Variants in BDNF observed in about 807,000 individuals in gnomAD.
BDNF encodes the protein brain derived neurotrophic factor.
BDNF carries 1 observed loss-of-function variant against 19.5 expected under a neutral mutation model. The observed-to-expected ratio is 0.05, with a 90% CI of 0.02 to 0.24. The LOEUF is 0.24. Ranked by LOEUF, BDNF falls within the 10% of genes least tolerant of loss-of-function variation. BDNF has a pLI of 1.00. For synonymous variants in BDNF, 100 were observed against 121.6 expected (o/e 0.82, Z 1.17); for missense variants, 195 against 317.6 (o/e 0.61, Z 2.93).
rs761020494 is a variant in BDNF at position 27,721,371 on chromosome 11, C to G, written c.3+41G>C. The G allele has an allele frequency of 2.5e-6, 4 of 1,612,130 alleles. No individual in the cohort carries two copies. In the Admixed American group the frequency reaches 6.7e-5, roughly 27 times the overall value. On this transcript the variant is annotated intron_variant, in intron 1 of 1. Coordinates refer to the BDNF transcript ENST00000314915. ...ATATGCCCGTTGTTAAGCAACATGT[C>G]AAGATTTTTCAATTATAATGCAGGT...
intron 1 of BDNF, chr11:27,719,848 A>AT (rs560499113): frequency 4.7e-4 from 91 of 193,340 alleles, no homozygotes; most frequent in African/African-American, 1.9e-3. Context: ...ACCTTGATTC[A>AT]TTTTTTTGTG....
intron 1 of BDNF, chr11:27,699,752 CT>C (rs1859673039): frequency 3.1e-6 from 4 of 1,301,216 alleles, no homozygotes; most frequent in Admixed American, 6.3e-5. Flanking sequence ...CACCCACCCC[CT>C]GGAAGGATTC....
upstream of BDNF, chr11:27,701,565 T>G: frequency 1.0e-6 from 1 of 986,408 alleles, no homozygotes; most frequent in African/African-American, 1.7e-5. Context: ...GGCAGGGAGA[T>G]TTCATGCTAG....
chr11:27,721,492 G>A, exon 1 of BDNF: 2 of 1,529,326 alleles, frequency 1.3e-6, no homozygotes, highest in Non-Finnish European at 1.8e-6. Flanking sequence ...AATGTGTCTT[G>A]TTTGAAGTCA....
chr11:27,698,917 T>G (rs902136938), intron 1 of BDNF, among the ~76,000 whole-genome samples: 1 of 151,560 alleles, frequency 6.6e-6, no homozygotes, highest in Non-Finnish European at 1.5e-5. Flanking sequence ...TTATCAAAGC[T>G]CCCCCAGCGC....
chr11:27,697,838 ACT>A (rs945434605), intron 1 of BDNF: 2 of 152,216 alleles, frequency 1.3e-5, no homozygotes, highest in Non-Finnish European at 2.9e-5. Flanking sequence ...GTGAAAAATT[ACT>A]GTTATTTTGC....
intron 1 of BDNF, among the ~76,000 whole-genome samples, chr11:27,685,939 A>C (rs7926362): frequency 0.82 from 124,139 of 152,126 alleles, 51,302 homozygotes; most frequent in African/African-American, 0.92. Context: ...GCTGAGTTCA[A>C]ATCCTGAATA....
At chr11:27,714,245 C>G (rs2134109218) in intron 1 of BDNF, among the ~76,000 whole-genome samples, 1 of 152,246 alleles carries the variant, frequency 6.6e-6, no homozygotes, top group South Asian at 2.1e-4. Context: ...ATAGCATTTC[C>G]TGGATGTCAA....
In BDNF at chr11:27,658,435, C is replaced by G; in HGVS notation, c.130G>C (p.Glu44Gln). Residue 44 changes from glutamate (E) to glutamine (Q), a missense_variant, in exon 2 of 2, where the codon GAG (glutamate) becomes CAG (glutamine). By Grantham distance (29) the Glu-to-Gln change is conservative. Around this residue, in one of 2 missense-constraint regions of BDNF, gnomAD observed 124 missense variants for 155.0 expected, o/e 0.80. Transcript: ENST00000356660. This position sits in a 1 kb window ranked among gnomAD's most constrained non-coding sequence, Gnocchi z 5.7. ...CCTGCCTTGGGCCCATTCACGCTCT[C>G]CAGAGTCCCATGGGTCCGCACACCT... ...YPGVRTHGTL[E>Q]SVNGPKAGSR... The G allele has an allele frequency of 6.2e-7, 1 of 1,614,194 alleles. No homozygotes were observed. The highest frequency in any genetic ancestry group is 1.1e-5 in the South Asian group (1 of 91,082).
upstream of BDNF, among the ~76,000 whole-genome samples, chr11:27,702,905 C>A (rs41274442): frequency 7.4e-4 from 112 of 152,286 alleles, 5 homozygotes; most frequent in South Asian, 0.022. Context: ...TCCCCCACCC[C>A]CTAAGTGAAG....
intron 1 of BDNF, among the ~76,000 whole-genome samples, chr11:27,683,820 A>G (rs539048766): frequency 6.6e-6 from 1 of 152,278 alleles, no homozygotes; most frequent in African/African-American, 2.4e-5. Context: ...CTTGTAGTAT[A>G]GTTTGAAGTC....
intron 1 of BDNF, among the ~76,000 whole-genome samples, chr11:27,721,055 C>T (rs543855004): frequency 5.3e-5 from 8 of 149,590 alleles, no homozygotes; most frequent in Admixed American, 3.4e-4. Context: ...GGAAATTAAC[C>T]CCCTTGCAAA....
At chr11:27,688,100 C>A (rs1189274341) in intron 1 of BDNF, among the ~76,000 whole-genome samples, 1 of 152,212 alleles carries the variant, frequency 6.6e-6, no homozygotes, top group Non-Finnish European at 1.5e-5. Flanking sequence ...TTCCCAGATG[C>A]CCTGCCCAGA....
At chr11:27,691,549 G>C (rs761292235) in intron 1 of BDNF, among the ~76,000 whole-genome samples, 1 of 152,198 alleles carries the variant, frequency 6.6e-6, no homozygotes, top group Non-Finnish European at 1.5e-5. Flanking sequence ...TCCTAAAGGA[G>C]ATGTAAATAT....
intron 1 of BDNF, chr11:27,665,115 G>T (rs964392169): frequency 6.6e-6 from 1 of 152,098 alleles, no homozygotes; most frequent in African/African-American, 2.4e-5. Context: ...AGAATTTCAG[G>T]TGGGATCTGT....
chr11:27,688,150 T>C (rs1334280151), intron 1 of BDNF, among the ~76,000 whole-genome samples: 1 of 152,194 alleles, frequency 6.6e-6, no homozygotes, highest in Non-Finnish European at 1.5e-5. Context: ...ACAGGGGCTT[T>C]GCTGAGCTGT....
intron 1 of BDNF, among the ~76,000 whole-genome samples, chr11:27,705,513 T>C (rs999299066): frequency 7.9e-5 from 12 of 152,210 alleles, no homozygotes; most frequent in Non-Finnish European, 1.2e-4. Flanking sequence ...GTGAACTTCC[T>C]AAAGTCTTAT....
intron 1 of BDNF, chr11:27,719,608 C>G (rs1399386989): frequency 1.0e-6 from 1 of 984,144 alleles, no homozygotes; most frequent in Non-Finnish European, 1.2e-6. Flanking sequence ...AGCCAGCGCC[C>G]GAAACTCGCG....
intron 1 of BDNF, chr11:27,699,496 C>T: frequency 6.2e-7 from 1 of 1,613,706 alleles, no homozygotes; most frequent in South Asian, 1.1e-5. Flanking sequence ...GAGGGCGCTT[C>T]AGAAGAGGGG....
Sources: gnomAD v4.1 joint callset for allele counts (sites outside exome capture counted in the v4.1 genomes callset) on GRCh38, gnomAD v4.1.1 for gene constraint, gnomAD v4.1.1 regional missense constraint, Gnocchi (gnomAD v3.1) non-coding constraint, MANE v1.5 for transcripts, NCBI Gene and HGNC (gene_info 2026-07-23, HGNC 2026-07-21) for gene names.